The following UNC79 variants were observed in gnomAD, a reference collection of about 807,000 sequenced individuals.
UNC79 encodes unc-79 subunit of NALCN channel complex.
Under a neutral mutation model 283.1 loss-of-function variants are expected in UNC79, and 37 were observed. That is an observed-to-expected ratio of 0.13 (90% CI 0.10 to 0.17). The LOEUF (loss-of-function observed/expected upper bound fraction) is 0.17. UNC79 is among the 10% of genes least tolerant of loss of function. UNC79 has a pLI of 1.00. For missense variants in UNC79, 2,272 were observed against 3,211.1 expected (o/e 0.71, Z 7.07); for synonymous variants, 1,107 against 1,200.2 (o/e 0.92, Z 1.61).
chr14:93,704,998 G>C (rs574987461), intron 48 of UNC79, among the ~76,000 whole-genome samples: 2 of 152,262 alleles, frequency 1.3e-5, no homozygotes, highest in South Asian at 4.1e-4. Flanking sequence ...ACTTTGAGAG[G>C]CCATTGTGGG....
chr14:93,411,184 C>T (rs530586292), intron 1 of UNC79, among the ~76,000 whole-genome samples: 17 of 152,074 alleles, frequency 1.1e-4, no homozygotes, highest in Non-Finnish European at 2.5e-4. Context: ...TACTCCCCAT[C>T]CTGGCCACAG....
chr14:93,437,263 C>T (rs980451997), intron 1 of UNC79: 1 of 152,080 alleles, frequency 6.6e-6, no homozygotes, highest in Non-Finnish European at 1.5e-5. Context: ...TTGCTTGTGC[C>T]TACTAGGTAC....
chr14:93,456,716 A>T (rs190272357), intron 1 of UNC79, among the ~76,000 whole-genome samples: 6 of 152,308 alleles, frequency 3.9e-5, no homozygotes, highest in Admixed American at 6.5e-5. Context: ...AGAATGAAAA[A>T]TATTTATATG....
intron 1 of UNC79, among the ~76,000 whole-genome samples, chr14:93,387,195 G>A (rs999357480): frequency 1.6e-4 from 24 of 152,006 alleles, no homozygotes; most frequent in Admixed American, 7.9e-4. Flanking sequence ...CACCCGCCTC[G>A]GCCTCCCAAA....
chr14:93,336,197 T>C (rs2053574840), intron 1 of UNC79, among the ~76,000 whole-genome samples: 1 of 152,216 alleles, frequency 6.6e-6, no homozygotes, highest in South Asian at 2.1e-4. Context: ...TATCTCCCCC[T>C]ATTTCTCTGC....
At chr14:93,572,146 G>A in intron 15 of UNC79, 62 bp downstream of exon 15, 1 of 1,546,124 alleles carries the variant, frequency 6.5e-7, no homozygotes, top group South Asian at 1.2e-5. Context: ...TGGTGAGCAT[G>A]TACTGTATGC....
At chr14:93,437,981 C>T (rs2056151770) in intron 1 of UNC79, among the ~76,000 whole-genome samples, 1 of 152,148 alleles carries the variant, frequency 6.6e-6, no homozygotes, top group African/African-American at 2.4e-5. Flanking sequence ...GGATACAATT[C>T]AAACCACTAC....
intron 1 of UNC79, among the ~76,000 whole-genome samples, chr14:93,380,771 T>G (rs1259694852): frequency 6.6e-6 from 1 of 152,176 alleles, no homozygotes; most frequent in East Asian, 1.9e-4. Context: ...TTACTTTATA[T>G]TCAGTGTATA....
intron 1 of UNC79, among the ~76,000 whole-genome samples, chr14:93,420,030 G>A (rs994121009): frequency 1.3e-5 from 2 of 151,400 alleles, no homozygotes; most frequent in African/African-American, 2.4e-5. Context: ...CTAAAAGGAA[G>A]ACAGGAATGA....
At chr14:93,364,576 G>A (rs372265794) in intron 1 of UNC79, among the ~76,000 whole-genome samples, 2 of 42,232 alleles carry the variant, frequency 4.7e-5, no homozygotes, top group South Asian at 6.5e-4. Context: ...CATATACAAG[G>A]AATAGAAAAG....
intron 4 of UNC79, among the ~76,000 whole-genome samples, chr14:93,484,604 C>T (rs2058318757): frequency 6.6e-6 from 1 of 152,134 alleles, no homozygotes; most frequent in Non-Finnish European, 1.5e-5. Context: ...ATTGTATTTC[C>T]TGAGCACAAT....
chr14:93,418,292 C>T (rs1028262318), intron 1 of UNC79, among the ~76,000 whole-genome samples: 1 of 151,708 alleles, frequency 6.6e-6, no homozygotes, highest in African/African-American at 2.4e-5. Flanking sequence ...CACTCCAGAC[C>T]CTGTTTGCCT....
intron 26 of UNC79, 28 bp downstream of exon 26, chr14:93,603,446 T>G: frequency 6.2e-7 from 1 of 1,608,274 alleles, no homozygotes; most frequent in Non-Finnish European, 8.5e-7. Context: ...ATCCTTCCGT[T>G]AAATCTGTTT....
intron 1 of UNC79, among the ~76,000 whole-genome samples, chr14:93,445,241 G>A (rs1010130614): frequency 6.6e-6 from 1 of 152,094 alleles, no homozygotes; most frequent in African/African-American, 2.4e-5. Flanking sequence ...GCACTGTTAC[G>A]CCATTTGTGA....
At chr14:93,440,120 A>G (rs1306068903) in intron 1 of UNC79, among the ~76,000 whole-genome samples, 2 of 152,074 alleles carry the variant, frequency 1.3e-5, no homozygotes, top group Non-Finnish European at 2.9e-5. Context: ...TTTATTCGGT[A>G]TTATAAAACA....
At chr14:93,563,964 A>C (rs1396527554) in intron 14 of UNC79, among the ~76,000 whole-genome samples, 1 of 152,166 alleles carries the variant, frequency 6.6e-6, no homozygotes, top group African/African-American at 2.4e-5. Context: ...AGTTGAGCAT[A>C]GTTCATGATT....
chr14:93,450,407 G>A (rs920676943), intron 1 of UNC79, among the ~76,000 whole-genome samples: 20 of 152,128 alleles, frequency 1.3e-4, no homozygotes, highest in Non-Finnish European at 1.8e-4. Context: ...CAACTTTCAG[G>A]AATTTGTCTC....
chr14:93,660,580 T>TG (rs1555394986), intron 39 of UNC79, among the ~76,000 whole-genome samples: 2 of 135,936 alleles, frequency 1.5e-5, no homozygotes, highest in Non-Finnish European at 3.1e-5. Context: ...TGTGTGTGTG[T>TG]TCATTTTATT....
Position 93,690,091 on chromosome 14 carries a change from C to T in UNC79, c.7086-26C>T. 1 of 1,609,824 alleles carries T rather than the reference C, an allele frequency of 6.2e-7. No homozygotes were observed. The highest frequency in any genetic ancestry group is 2.2e-5 in the East Asian group (1 of 44,826). On this transcript the variant is annotated intron_variant, in intron 44 of 48. Transcript: ENST00000555664. This position sits in a 1 kb window ranked among gnomAD's most constrained non-coding sequence, Gnocchi z 4.3. The stretch of plus-strand genomic sequence containing the variant: ...AATGAAACACAAAACATAAAATCAT[C>T]TTTAACACTCCTTCTTCTCTAATAG...
Sources: gnomAD v4.1 joint callset for allele counts (sites outside exome capture counted in the v4.1 genomes callset) on GRCh38, gnomAD v4.1.1 for gene constraint, Gnocchi (gnomAD v3.1) non-coding constraint, MANE v1.5 for transcripts, NCBI Gene and HGNC (gene_info 2026-07-23, HGNC 2026-07-21) for gene names.